Variants in CIMIP4 observed in about 807,000 individuals in gnomAD.
CIMIP4 encodes the protein protein EAN57.
chr22:36,993,016 CT>C, the CIMIP4 span, among the ~76,000 whole-genome samples: 35,902 of 135,968 alleles, frequency 0.26, 4,067 homozygotes, highest in Admixed American at 0.29. Context: ...TTTTTTTTTT[CT>C]TTTTTTTTTT....
At chr22:36,991,595 T>C in the CIMIP4 span, 1 of 1,613,964 alleles carries the variant, frequency 6.2e-7, no homozygotes, top group South Asian at 1.1e-5. Flanking sequence ...GCAGCCCCTG[T>C]AGAATACCAT....
the CIMIP4 span, among the ~76,000 whole-genome samples, chr22:37,005,115 C>A: frequency 1.2e-4 from 18 of 152,164 alleles, no homozygotes; most frequent in Non-Finnish European, 2.4e-4. Context: ...AGGGTGACTT[C>A]TGGCCAAAAG....
At chr22:36,991,561 T>A in the CIMIP4 span, 2 of 1,614,208 alleles carry the variant, frequency 1.2e-6, no homozygotes, top group Non-Finnish European at 1.7e-6. Context: ...GTAAGAAGCC[T>A]TCATGAGGCT....
chr22:37,007,844 T>A, the CIMIP4 span: 1 of 152,390 alleles, frequency 6.6e-6, no homozygotes, highest in East Asian at 1.9e-4. Context: ...GGATGGTTGC[T>A]GGGAAGTGGC....
the CIMIP4 span, among the ~76,000 whole-genome samples, chr22:36,994,822 G>A: frequency 2.0e-5 from 3 of 151,970 alleles, no homozygotes; most frequent in Non-Finnish European, 4.4e-5. Flanking sequence ...AGTAGAGACG[G>A]GGTTTCACCT....
At chr22:36,993,801 C>T in the CIMIP4 span, among the ~76,000 whole-genome samples, 2 of 152,022 alleles carry the variant, frequency 1.3e-5, no homozygotes, top group South Asian at 2.1e-4. Context: ...TGGAAATAAA[C>T]CCAAATAGTC....
the CIMIP4 span, chr22:37,007,833 T>C: frequency 6.6e-6 from 1 of 152,330 alleles, no homozygotes; most frequent in African/African-American, 2.4e-5. Context: ...TGAAGACCAA[T>C]GGATGGTTGC....
the CIMIP4 span, among the ~76,000 whole-genome samples, chr22:36,992,251 G>A: frequency 3.5e-3 from 537 of 152,290 alleles, 3 homozygotes; most frequent in African/African-American, 0.013. Context: ...GGAGGCTGAG[G>A]TAGGAGAATT....
chr22:37,001,869 T>A, the CIMIP4 span: 1 of 1,606,418 alleles, frequency 6.2e-7, no homozygotes, highest in Non-Finnish European at 8.5e-7. Flanking sequence ...TCCACCACAT[T>A]GCTCCCAAAC....
chr22:37,001,844 T>G, the CIMIP4 span: 1 of 1,584,122 alleles, frequency 6.3e-7, no homozygotes, highest in East Asian at 2.3e-5. Flanking sequence ...CACCTGCTCC[T>G]CGGAGACCAG....
At chr22:36,991,577 T>A in the CIMIP4 span, 1 of 1,614,170 alleles carries the variant, frequency 6.2e-7, no homozygotes, top group Non-Finnish European at 8.5e-7. Flanking sequence ...AGGCTCTTTG[T>A]CTCCTCAGCA....
chr22:37,004,232 C>T, the CIMIP4 span, among the ~76,000 whole-genome samples: 1 of 152,176 alleles, frequency 6.6e-6, no homozygotes, highest in African/African-American at 2.4e-5. Flanking sequence ...ACAGGGGCTG[C>T]CTCCTGGACT....
At chr22:36,991,411 C>T in the CIMIP4 span, 8 of 1,574,808 alleles carry the variant, frequency 5.1e-6, no homozygotes, top group African/African-American at 6.8e-5. Context: ...TCTCTCTGAC[C>T]CTTAGAGCCA....
chr22:36,992,216 G>T, the CIMIP4 span, among the ~76,000 whole-genome samples: 1 of 152,024 alleles, frequency 6.6e-6, no homozygotes, highest in Non-Finnish European at 1.5e-5. Context: ...GCGTGGTGGC[G>T]GGCTCCTGTA....
the CIMIP4 span, among the ~76,000 whole-genome samples, chr22:36,994,987 C>A: frequency 6.6e-6 from 1 of 152,122 alleles, no homozygotes; most frequent in Non-Finnish European, 1.5e-5. Flanking sequence ...ATCTACTGGG[C>A]TCTAAAGCAA....
At chr22:37,005,656 C>T in the CIMIP4 span, among the ~76,000 whole-genome samples, 3 of 151,710 alleles carry the variant, frequency 2.0e-5, no homozygotes, top group Non-Finnish European at 4.4e-5. Flanking sequence ...GAAGAAAGAC[C>T]CTTGTTATGT....
At chr22:37,002,134 C>T in the CIMIP4 span, 1 of 1,546,098 alleles carries the variant, frequency 6.5e-7, no homozygotes, top group Admixed American at 2.0e-5. Context: ...AGTGGCACTG[C>T]CCTAGGGAGC....
At chr22:37,002,152 A>T in the CIMIP4 span, 1 of 1,525,100 alleles carries the variant, frequency 6.6e-7, no homozygotes, top group South Asian at 1.3e-5. Context: ...AGCTGCCTTG[A>T]GCGCTGGCTC....
the CIMIP4 span, among the ~76,000 whole-genome samples, chr22:37,003,193 T>A: frequency 4.3e-3 from 658 of 152,354 alleles, 12 homozygotes; most frequent in African/African-American, 0.015. Flanking sequence ...TGTGGCCATG[T>A]ATGAGGATTC....
Sources: allele counts gnomAD v4.1 joint callset (sites outside exome capture counted in the v4.1 genomes callset), GRCh38; gene constraint gnomAD v4.1.1; transcripts MANE v1.5; gene names NCBI Gene and HGNC (gene_info 2026-07-23, HGNC 2026-07-21).